The following PSTPIP1 variants were observed in gnomAD, a reference collection of about 807,000 sequenced individuals.
The protein encoded by PSTPIP1 is proline-serine-threonine phosphatase-interacting protein 1.
A neutral mutation model predicts 69.6 loss-of-function variants in PSTPIP1; 66 were observed. The observed-to-expected ratio is 0.95, with a 90% CI of 0.78 to 1.16. The LOEUF (loss-of-function observed/expected upper bound fraction) is 1.16. Among genes scored for constraint, PSTPIP1 ranks in the 50% most tolerant of loss-of-function variants. The pLI is 0.00. For synonymous variants in PSTPIP1, 266 were observed against 222.7 expected, an observed-to-expected ratio of 1.19 and a Z score of -1.73; for missense variants, 603 against 557.4, an observed-to-expected ratio of 1.08 and a Z score of -0.82.
At chr15:77,003,441 G>A (rs972824932) in intron 1 of PSTPIP1, among the ~76,000 whole-genome samples, 2 of 152,152 alleles carry the variant, frequency 1.3e-5, no homozygotes, top group African/African-American at 4.8e-5. Context: ...ATCATCTGAG[G>A]TCAGGGGTTC....
intron 7 of PSTPIP1, 100 bp downstream of exon 7, chr15:77,028,752 T>C: frequency 9.7e-7 from 1 of 1,030,348 alleles, no homozygotes; most frequent in Non-Finnish European, 1.4e-6. Context: ...GATCTGCATC[T>C]GGGGATGCTG....
rs1397293339 is a variant in PSTPIP1, at chr15:77,027,840, T to C, written c.355-12T>C. ...CCGCGGCCCTCGGCTCAGAACCTCG[T>C]GTCCCCTGCAGTATGAGGCCGTCAT... On this transcript the variant is annotated splice_polypyrimidine_tract_variant and intron_variant, in intron 5 of 14. Coordinates refer to ENST00000558012, the MANE Select transcript of PSTPIP1 (RefSeq NM_003978.5). The surrounding 1 kb of genome is among the most constrained non-coding windows in gnomAD (Gnocchi z 4.3). The C allele has an allele frequency of 5.8e-6, 9 of 1,561,268 alleles. No individual in the cohort carries two copies. The Middle Eastern group carries it at 5.0e-4, about 86-fold the overall frequency.
rs557425646 is a variant in PSTPIP1, at chr15:77,031,762, G to A, written c.741+484G>A. On this transcript the variant is annotated intron_variant, in intron 10 of 14. Transcript: ENST00000558012. ...CCCCAGCAGAGAGGGCCCCCAGCCA[G>A]GGTCCCTGAGCTCTGTGGATGGATG... 7.4e-4 allele frequency: 133 copies of A among 179,090 alleles called. 2 individuals are homozygous for A. The South Asian group carries it at 0.011, about 14-fold the overall frequency. The allele number at this position is 179,090 out of a possible 1,614,324, so 11.1% of individuals were successfully genotyped here.
intron 4 of PSTPIP1, 48 bp downstream of exon 4, chr15:77,025,366 T>A (rs574421832): frequency 5.7e-6 from 9 of 1,585,218 alleles, no homozygotes. Flanking sequence ...ACTGCGAGGC[T>A]GGTGGAGGGT....
At position 77,032,393 on chromosome 15, in the gene PSTPIP1, C is replaced by G. The variant is rs149195362; in HGVS notation, c.837C>G (p.Pro279=). ...CCAAGAGCACGGGCACAGAGCCCCC[C>G]GGTGAGGTCCGGCTTGCGGACAGCG... ...IQAKSTGTEP[P]APVPYQNYYD... is the part of the protein sequence containing the mutation. Residue 279 remains proline (P), a splice_region_variant and synonymous_variant, in exon 11 of 15, where the codon CCC becomes CCG. Transcript: ENST00000558012. 29 of 1,612,498 alleles carry G rather than the reference C, an allele frequency of 1.8e-5. No homozygotes were observed. The highest frequency in any genetic ancestry group is 2.4e-5 in the Non-Finnish European group (28 of 1,179,774).
intron 3 of PSTPIP1, among the ~76,000 whole-genome samples, chr15:77,022,833 G>T (rs371497170): frequency 2.2e-3 from 336 of 152,364 alleles, no homozygotes; most frequent in Non-Finnish European, 3.6e-3. Context: ...CAGCCCAGGG[G>T]ACAGGAAGAG....
intron 1 of PSTPIP1, among the ~76,000 whole-genome samples, chr15:77,016,772 C>T (rs937128940): frequency 2.0e-5 from 3 of 152,150 alleles, no homozygotes; most frequent in African/African-American, 7.2e-5. Flanking sequence ...TTGGAGAATA[C>T]CTTCTCCTTC....
At chr15:77,032,444 G>A in intron 11 of PSTPIP1, 50 bp downstream of exon 11, 1 of 1,584,566 alleles carries the variant, frequency 6.3e-7, no homozygotes. Flanking sequence ...TTGAGCCCCT[G>A]GGAAGGCCCG....
rs1390777922 is a variant in PSTPIP1 at position 77,018,214 on chromosome 15, A to C, written c.103A>C (p.Met35Leu). 6.3e-7 allele frequency: 1 copy of C among 1,588,020 alleles called. No homozygotes were observed. The highest frequency in any genetic ancestry group is 8.6e-7 in the Non-Finnish European group (1 of 1,168,176). Reference sequence around the variant, plus strand: ...GCAGCGGCTTCTGGATGGCAGGAAGATGTGCAAAGACATGGAGGAGCTACT... The same window carrying C: ...GCAGCGGCTTCTGGATGGCAGGAAGCTGTGCAAAGACATGGAGGAGCTACT... ...LLQRLLDGRK[M>L]CKDMEELLRQ... Residue 35 changes from methionine to leucine, a missense_variant, in exon 2 of 15, where the codon ATG becomes CTG. Physicochemically the swap from Met to Leu is conservative, Grantham distance 15 (BLOSUM62 2). Transcript: ENST00000558012.
upstream of PSTPIP1, chr15:76,994,846 G>A (rs574687880): frequency 1.6e-5 from 20 of 1,288,996 alleles, no homozygotes; most frequent in East Asian, 5.5e-4. Flanking sequence ...TTGCTAGTGC[G>A]GGGTGGGGAG....
intron 1 of PSTPIP1, among the ~76,000 whole-genome samples, chr15:77,014,912 G>A (rs548056531): frequency 7.2e-5 from 11 of 152,234 alleles, no homozygotes; most frequent in Non-Finnish European, 1.2e-4. Context: ...CACACACCAT[G>A]GACGGCGAGG....
At chr15:77,021,261 T>TAA (rs2076155433) in intron 3 of PSTPIP1, among the ~76,000 whole-genome samples, 1 of 152,318 alleles carries the variant, frequency 6.6e-6, no homozygotes, top group South Asian at 2.1e-4. Flanking sequence ...GGTTACATCT[T>TAA]AAGTGATTTT....
intron 1 of PSTPIP1, among the ~76,000 whole-genome samples, chr15:77,006,167 G>T (rs777876040): frequency 3.3e-5 from 5 of 152,066 alleles, no homozygotes; most frequent in Admixed American, 6.5e-5. Context: ...CACCTTAGGA[G>T]GCATGAAGTA....
chr15:77,016,486 A>C (rs2076055189), intron 1 of PSTPIP1, among the ~76,000 whole-genome samples: 1 of 152,126 alleles, frequency 6.6e-6, no homozygotes, highest in African/African-American at 2.4e-5. Context: ...CAACCTGGAC[A>C]TGGGGGTGGG....
Position 77,035,951 on chromosome 15 carries a change from C to T in PSTPIP1, c.1119+16C>T. ...TACAGCGCAGGTGAGGCCTCTATAC[C>T]CCAAACCCACCTGTGCCACCTCCCC... On this transcript the variant is annotated intron_variant, in intron 14 of 14. Transcript: ENST00000558012. 1 of 1,576,780 alleles carries T rather than the reference C, an allele frequency of 6.3e-7. No individual in the cohort carries two copies. The highest frequency in any genetic ancestry group is 2.3e-5 in the East Asian group (1 of 43,288).
In PSTPIP1 at chr15:77,032,896, G is replaced by A; in HGVS notation, c.873G>A (p.Glu291=). ...PVPYQNYYDR[E]VTPLTSSPGI... is the part of the protein sequence containing the mutation. ...CCTACCAGAACTATTACGATCGGGA[G>A]GTCACCCCGCTGACCAGCAGCCCTG... The change falls in exon 12 of 15, where the codon GAG becomes GAA. Residue 291 remains glutamate, a synonymous_variant. Transcript: ENST00000558012. The A allele has an allele frequency of 1.2e-6, 2 of 1,603,724 alleles. No homozygotes were observed. The highest frequency in any genetic ancestry group is 1.7e-6 in the Non-Finnish European group (2 of 1,175,718).
chr15:77,007,069 G>A (rs1473453623), intron 1 of PSTPIP1, among the ~76,000 whole-genome samples: 1 of 152,136 alleles, frequency 6.6e-6, no homozygotes, highest in East Asian at 1.9e-4. Flanking sequence ...GCATGTGTAG[G>A]GAGACACTTG....
At chr15:77,011,020 G>A (rs1218089259) in intron 1 of PSTPIP1, among the ~76,000 whole-genome samples, 3 of 152,200 alleles carry the variant, frequency 2.0e-5, no homozygotes, top group African/African-American at 4.8e-5. Context: ...CCCCATGAGA[G>A]TGAAGGAGGG....
chr15:77,015,795 C>T, intron 1 of PSTPIP1: 1 of 399,698 alleles, frequency 2.5e-6, no homozygotes, highest in East Asian at 7.2e-5. Context: ...CGTGAGCAGC[C>T]CCTGGAGAGT....
Sources: gnomAD v4.1 joint callset for allele counts (sites outside exome capture counted in the v4.1 genomes callset) on GRCh38, gnomAD v4.1.1 for gene constraint, Gnocchi (gnomAD v3.1) non-coding constraint, MANE v1.5 for transcripts, NCBI Gene and HGNC (gene_info 2026-07-23, HGNC 2026-07-21) for gene names.